ZDHHC14: variants seen among roughly 807,000 people sequenced by gnomAD.
ZDHHC14 encodes palmitoyltransferase ZDHHC14.
In ZDHHC14, 16 loss-of-function variants were observed where a neutral mutation model predicts 47.7. The observed-to-expected ratio is 0.34, with a 90% CI of 0.23 to 0.51. The LOEUF (loss-of-function observed/expected upper bound fraction) is 0.51. ZDHHC14 is among the 20% of genes least tolerant of loss of function. The pLI is 0.97. For missense variants in ZDHHC14, 515 were observed against 662.5 expected (o/e 0.78, Z 2.44); for synonymous variants, 293 against 278.9 (o/e 1.05, Z -0.50).
At chr6:157,627,130 C>T (rs1785466531) in intron 3 of ZDHHC14, among the ~76,000 whole-genome samples, 1 of 152,144 alleles carries the variant, frequency 6.6e-6, no homozygotes, top group Admixed American at 6.5e-5. Flanking sequence ...TTCAGGTGTC[C>T]TCATGCCCTT....
chr6:157,459,701 GA>G (rs1779021323), intron 1 of ZDHHC14, among the ~76,000 whole-genome samples: 1 of 152,132 alleles, frequency 6.6e-6, no homozygotes, highest in Non-Finnish European at 1.5e-5. Context: ...TGCAGGGGTA[GA>G]TGGGGGGACA....
At chr6:157,634,593 G>A (rs1002343295) in intron 5 of ZDHHC14, among the ~76,000 whole-genome samples, 8 of 152,238 alleles carry the variant, frequency 5.3e-5, no homozygotes, top group Non-Finnish European at 8.8e-5. Flanking sequence ...TTTGTGTCAT[G>A]AAAGCATGCT....
intron 1 of ZDHHC14, among the ~76,000 whole-genome samples, chr6:157,459,311 T>C (rs937156044): frequency 1.3e-5 from 2 of 152,224 alleles, no homozygotes; most frequent in Non-Finnish European, 2.9e-5. Flanking sequence ...CATTTGATGA[T>C]GGCAGCAAGA....
intron 1 of ZDHHC14, among the ~76,000 whole-genome samples, chr6:157,507,049 A>G (rs1424964062): frequency 6.6e-6 from 1 of 152,182 alleles, no homozygotes; most frequent in African/African-American, 2.4e-5. Flanking sequence ...TATTCTAAGT[A>G]ATATGTATGT....
intron 1 of ZDHHC14, among the ~76,000 whole-genome samples, chr6:157,450,544 C>T (rs1298764574): frequency 6.7e-6 from 1 of 149,506 alleles, no homozygotes; most frequent in African/African-American, 2.5e-5. Context: ...ATCCTGAACA[C>T]TCAATATTCT....
chr6:157,655,078 G>A (rs887216781), intron 8 of ZDHHC14, among the ~76,000 whole-genome samples: 6 of 152,140 alleles, frequency 3.9e-5, no homozygotes, highest in South Asian at 2.1e-4. Flanking sequence ...GGTCCTTGCC[G>A]CTCCACTGTG....
At chr6:157,549,446 G>C (rs147295150) in intron 2 of ZDHHC14, among the ~76,000 whole-genome samples, 2,101 of 152,284 alleles carry the variant, frequency 0.014, 46 homozygotes, top group African/African-American at 0.049. Context: ...AAGGGAGAGT[G>C]GGGGAGTCCC....
chr6:157,643,650 A>AAAATATATAT (rs765773743), intron 5 of ZDHHC14, among the ~76,000 whole-genome samples: 1 of 72,520 alleles, frequency 1.4e-5, no homozygotes, highest in African/African-American at 4.5e-5. Flanking sequence ...CTTCATCTCA[A>AAAATATATAT]ATATATATAT....
chr6:157,508,565 G>A (rs984245005), intron 1 of ZDHHC14, among the ~76,000 whole-genome samples: 17 of 152,044 alleles, frequency 1.1e-4, no homozygotes, highest in African/African-American at 4.1e-4. Flanking sequence ...TAGAGACAAG[G>A]TCTCACTATG....
chr6:157,607,380 A>T (rs140876767), intron 3 of ZDHHC14, among the ~76,000 whole-genome samples: 2 of 152,302 alleles, frequency 1.3e-5, no homozygotes, highest in African/African-American at 4.8e-5. Context: ...CCGCATTTAA[A>T]GGCTCTTTTT....
At chr6:157,588,425 C>T (rs1783776020) in intron 2 of ZDHHC14, among the ~76,000 whole-genome samples, 1 of 152,164 alleles carries the variant, frequency 6.6e-6, no homozygotes, top group Non-Finnish European at 1.5e-5. Context: ...CACCACTGCA[C>T]TCCAGCCAGG....
intron 1 of ZDHHC14, among the ~76,000 whole-genome samples, chr6:157,402,017 A>C (rs1289763884): frequency 7.0e-6 from 1 of 143,540 alleles, no homozygotes; most frequent in Non-Finnish European, 1.5e-5. Flanking sequence ...TGCTGAGGTC[A>C]CACTGCACTA....
At chr6:157,531,620 G>T (rs1781371682) in intron 1 of ZDHHC14, among the ~76,000 whole-genome samples, 2 of 151,642 alleles carry the variant, frequency 1.3e-5, no homozygotes, top group South Asian at 4.2e-4. Flanking sequence ...TGGAATGTGA[G>T]CTGCCAGGAA....
At chr6:157,665,572 C>A (rs915110647) in intron 8 of ZDHHC14, among the ~76,000 whole-genome samples, 1 of 152,122 alleles carries the variant, frequency 6.6e-6, no homozygotes, top group Admixed American at 6.6e-5. Flanking sequence ...TGATAGAAGA[C>A]GTGCTCCTAA....
chr6:157,449,421 C>A (rs1778752151), intron 1 of ZDHHC14, among the ~76,000 whole-genome samples: 1 of 152,180 alleles, frequency 6.6e-6, no homozygotes, highest in Non-Finnish European at 1.5e-5. Context: ...TAAAATTCAT[C>A]CACTATAAGT....
At chr6:157,589,875 G>A (rs1783840434) in intron 2 of ZDHHC14, among the ~76,000 whole-genome samples, 1 of 152,148 alleles carries the variant, frequency 6.6e-6, no homozygotes, top group African/African-American at 2.4e-5. Context: ...GGAAGATGTG[G>A]GAAAGTTTGG....
At chr6:157,442,724 C>T (rs1309051239) in intron 1 of ZDHHC14, among the ~76,000 whole-genome samples, 6 of 152,206 alleles carry the variant, frequency 3.9e-5, no homozygotes, top group Non-Finnish European at 7.3e-5. Context: ...GTCTGAAGCC[C>T]GCCCAGCAGA....
chr6:157,443,742 T>C (rs553453668), intron 1 of ZDHHC14, among the ~76,000 whole-genome samples: 1 of 152,286 alleles, frequency 6.6e-6, no homozygotes, highest in Admixed American at 6.5e-5. Context: ...TCTGATACAC[T>C]CTGGCCCAAT....
intron 1 of ZDHHC14, among the ~76,000 whole-genome samples, chr6:157,506,675 A>G (rs913407376): frequency 4.6e-5 from 7 of 152,246 alleles, no homozygotes; most frequent in African/African-American, 1.7e-4. Context: ...GTGATGTGTG[A>G]AAAAGCCCAT....
Sources: allele counts gnomAD v4.1 joint callset (sites outside exome capture counted in the v4.1 genomes callset), GRCh38; gene constraint gnomAD v4.1.1; transcripts MANE v1.5; gene names NCBI Gene and HGNC (gene_info 2026-07-23, HGNC 2026-07-21).